GALNT13: variants seen among roughly 807,000 people sequenced by gnomAD.
GALNT13 encodes the protein polypeptide N-acetylgalactosaminyltransferase 13, also known as UDP-GalNAc:polypeptide N-acetylgalactosaminyltransferase 13.
GALNT13 carries 28 observed loss-of-function variants against 64.2 expected under a neutral mutation model. The ratio of observed to expected loss-of-function variants is 0.44; its 90% CI spans 0.32 to 0.60. The LOEUF (loss-of-function observed/expected upper bound fraction) is 0.60. GALNT13 is among the 20% of genes least tolerant of loss of function. The pLI is 0.05. For synonymous variants in GALNT13, 214 were observed against 224.6 expected (o/e 0.95, Z 0.42); for missense variants, 577 against 669.8 (o/e 0.86, Z 1.53).
the GALNT13 span, among the ~76,000 whole-genome samples, chr2:153,245,561 A>G: frequency 6.6e-6 from 1 of 152,184 alleles, no homozygotes; most frequent in Non-Finnish European, 1.5e-5. Context: ...ACTGTTCGAA[A>G]AAAACTAACA....
chr2:153,523,860 A>C, the GALNT13 span, among the ~76,000 whole-genome samples: 3 of 152,152 alleles, frequency 2.0e-5, no homozygotes, highest in Admixed American at 1.3e-4. Context: ...CAGTGGTGAG[A>C]TGACCTTGTT....
At chr2:154,036,547 A>G (rs901119866) in intron 3 of GALNT13, among the ~76,000 whole-genome samples, 1 of 152,124 alleles carries the variant, frequency 6.6e-6, no homozygotes, top group Non-Finnish European at 1.5e-5. Context: ...ATTTTAAGCT[A>G]TATTCTTATT....
At chr2:154,052,288 G>C (rs1294614748) in intron 3 of GALNT13, among the ~76,000 whole-genome samples, 1 of 152,118 alleles carries the variant, frequency 6.6e-6, no homozygotes, top group East Asian at 1.9e-4. Context: ...TCTGACTTAA[G>C]TGTACTTTCC....
At chr2:154,019,503 G>T (rs529015625) in intron 3 of GALNT13, among the ~76,000 whole-genome samples, 1 of 151,042 alleles carries the variant, frequency 6.6e-6, no homozygotes, top group African/African-American at 2.4e-5. Flanking sequence ...GTGTGGTGAC[G>T]CACACCTGAG....
chr2:153,671,541 C>T, the GALNT13 span, among the ~76,000 whole-genome samples: 1 of 152,154 alleles, frequency 6.6e-6, no homozygotes, highest in South Asian at 2.1e-4. Flanking sequence ...TACAAGAGCT[C>T]CTGAAGGAAG....
At chr2:153,291,398 G>A in the GALNT13 span, among the ~76,000 whole-genome samples, 1 of 152,202 alleles carries the variant, frequency 6.6e-6, no homozygotes, top group Non-Finnish European at 1.5e-5. Flanking sequence ...TGGGGGCCAT[G>A]AGTTATCCAT....
intron 2 of GALNT13, among the ~76,000 whole-genome samples, chr2:153,940,047 T>A (rs983533447): frequency 2.0e-5 from 3 of 152,056 alleles, no homozygotes; most frequent in African/African-American, 7.3e-5. Context: ...CTTTCCTTAG[T>A]GTATATGCAA....
At chr2:153,668,972 G>A in the GALNT13 span, among the ~76,000 whole-genome samples, 772 of 152,300 alleles carry the variant, frequency 5.1e-3, 8 homozygotes, top group African/African-American at 0.018. Flanking sequence ...GGAAAATCTT[G>A]CATGTGAGAT....
At chr2:153,869,235 T>G (rs1242517622), upstream of GALNT13, among the ~76,000 whole-genome samples, 2 of 152,196 alleles carry the variant, frequency 1.3e-5, no homozygotes, top group Admixed American at 6.5e-5. Flanking sequence ...GATATAAAAC[T>G]AATTTGATTA....
chr2:153,955,983 C>T (rs1692538437), intron 3 of GALNT13, among the ~76,000 whole-genome samples: 1 of 152,188 alleles, frequency 6.6e-6, no homozygotes, highest in Non-Finnish European at 1.5e-5. Context: ...GCCTTCAGCA[C>T]ACCCTGGCAA....
the GALNT13 span, among the ~76,000 whole-genome samples, chr2:153,720,292 A>G: frequency 1.8e-4 from 27 of 146,056 alleles, 2 homozygotes; most frequent in Non-Finnish European, 3.0e-4. Context: ...AAGGACATCC[A>G]CACCGAAAAC....
rs78244950 is a variant in GALNT13, at chr2:154,412,545, A to C, written c.1395+3463A>C. 1.8e-3 allele frequency among the ~76,000 whole-genome samples: 275 copies of C among 151,924 alleles called. 2 individuals carry two copies. Among genetic ancestry groups the C allele is most frequent in the African/African-American group, 6.3e-3 (260 of 41,532 alleles). ...TTTAACTTAGTTACATTTCTAAAAA[A>C]AGGTATTTTTTTTTTGTTTGTCAAC... On this transcript the variant is annotated intron_variant, in intron 11 of 12. Transcript: ENST00000392825.
chr2:153,427,055 T>C, the GALNT13 span, among the ~76,000 whole-genome samples: 2 of 152,038 alleles, frequency 1.3e-5, no homozygotes, highest in South Asian at 4.1e-4. Context: ...AAAATTAAAA[T>C]GTATTTTCCT....
At chr2:153,468,840 A>C in the GALNT13 span, among the ~76,000 whole-genome samples, 1 of 152,118 alleles carries the variant, frequency 6.6e-6, no homozygotes, top group Admixed American at 6.6e-5. Flanking sequence ...GGGTCGTAGT[A>C]AGAACACAAT....
the GALNT13 span, among the ~76,000 whole-genome samples, chr2:153,635,840 T>G: frequency 9.2e-5 from 14 of 152,290 alleles, no homozygotes; most frequent in South Asian, 2.1e-4. Context: ...CTTTCTAGTA[T>G]CATGTTTTTT....
the GALNT13 span, among the ~76,000 whole-genome samples, chr2:153,100,448 G>A: frequency 6.6e-6 from 1 of 152,130 alleles, no homozygotes; most frequent in African/African-American, 2.4e-5. Context: ...TATGGAGAAG[G>A]CTATTGTGAC....
the GALNT13 span, among the ~76,000 whole-genome samples, chr2:153,234,083 G>A: frequency 6.6e-6 from 1 of 152,078 alleles, no homozygotes; most frequent in Non-Finnish European, 1.5e-5. Flanking sequence ...TTTAAAAAGG[G>A]TTTACTGAAT....
chr2:153,236,103 A>C, the GALNT13 span, among the ~76,000 whole-genome samples: 4 of 152,156 alleles, frequency 2.6e-5, no homozygotes, highest in Non-Finnish European at 5.9e-5. Context: ...CCAAAACCTA[A>C]TCTAGAACAA....
intron 10 of GALNT13, among the ~76,000 whole-genome samples, chr2:154,399,234 T>C (rs799741): frequency 6.6e-6 from 1 of 151,876 alleles, no homozygotes; most frequent in East Asian, 1.9e-4. Flanking sequence ...CTGAGTAACA[T>C]AGTGAGAACC....
Sources: allele counts gnomAD v4.1 joint callset (sites outside exome capture counted in the v4.1 genomes callset), GRCh38; gene constraint gnomAD v4.1.1; transcripts MANE v1.5; gene names NCBI Gene and HGNC (gene_info 2026-07-23, HGNC 2026-07-21).